PHC3: variants seen among roughly 807,000 people sequenced by gnomAD.
The protein encoded by PHC3 is polyhomeotic-like protein 3.
Under a neutral mutation model 107.4 loss-of-function variants are expected in PHC3, and 13 were observed. The ratio of observed to expected loss-of-function variants is 0.12; its 90% confidence interval spans 0.08 to 0.19. The LOEUF is 0.19. Ranked by LOEUF, PHC3 falls within the 10% of genes least tolerant of loss-of-function variation. The pLI, the probability that PHC3 is intolerant of heterozygous loss-of-function variation, is 1.00. For synonymous variants in PHC3, 456 were observed against 427.4 expected (o/e 1.07, Z -0.83); for missense variants, 992 against 1,210.9 (o/e 0.82, Z 2.68).
chr3:170,151,548 T>C (rs762935235), intron 4 of PHC3, among the ~76,000 whole-genome samples: 2 of 152,226 alleles, frequency 1.3e-5, no homozygotes, highest in Non-Finnish European at 2.9e-5. Context: ...CAAGGCAGTC[T>C]ATAAGGGTAT....
Position 170,117,338 on chromosome 3 carries a change from T to G in PHC3, c.2081A>C (p.His694Pro). 1 of 1,613,922 alleles carries G rather than the reference T, an allele frequency of 6.2e-7. No individual in the cohort carries two copies. Among genetic ancestry groups the G allele is most frequent in the Non-Finnish European group, 8.5e-7 (1 of 1,179,862 alleles). The change falls in exon 10 of 15, where the codon CAC (histidine) becomes CCC (proline). Residue 694 changes from histidine to proline, a missense_variant. His to Pro is a moderately conservative substitution (Grantham distance 77). Transcript: ENST00000495893. ...ATTRSNSTSM[H>P]SSIPSIENKP... is the part of the protein sequence containing the mutation. ...GTTCTCTATACTGGGAATGCTACTG[T>G]GCATAGATGTACTGTTACTCCTTGT...
chr3:170,140,639 G>A (rs1412591545), intron 6 of PHC3, among the ~76,000 whole-genome samples: 1 of 108,998 alleles, frequency 9.2e-6, no homozygotes, highest in Admixed American at 1.4e-4. Flanking sequence ...TGTCACCCAC[G>A]CCGGACTGTA....
chr3:170,127,443 A>C (rs532712658), intron 8 of PHC3, among the ~76,000 whole-genome samples: 1 of 152,346 alleles, frequency 6.6e-6, no homozygotes, highest in Non-Finnish European at 1.5e-5. Context: ...CTGGGATTAC[A>C]GGCGTGAGCC....
chr3:170,131,129 A>C (rs1216676102), intron 7 of PHC3, among the ~76,000 whole-genome samples: 1 of 138,218 alleles, frequency 7.2e-6, no homozygotes, highest in African/African-American at 2.7e-5. Context: ...AAGTTCAATA[A>C]ATATCCACTA....
intron 4 of PHC3, among the ~76,000 whole-genome samples, chr3:170,166,397 A>C (rs1004602561): frequency 1.3e-5 from 2 of 152,168 alleles, no homozygotes; most frequent in African/African-American, 4.8e-5. Context: ...TAAGTTAAAC[A>C]AGCTTACACA....
chr3:170,148,526 A>G (rs1260047519), intron 5 of PHC3: 3 of 152,258 alleles, frequency 2.0e-5, no homozygotes, highest in African/African-American at 7.2e-5. Context: ...TAAAATATCA[A>G]AATGAACACA....
At chr3:170,112,871 C>T (rs1399730144) in intron 11 of PHC3, among the ~76,000 whole-genome samples, 1 of 152,054 alleles carries the variant, frequency 6.6e-6, no homozygotes, top group Non-Finnish European at 1.5e-5. Context: ...GGAGTTTTCT[C>T]GTTGAACAAA....
chr3:170,133,651 TTGGAGTATA>T (rs962470362), intron 7 of PHC3, among the ~76,000 whole-genome samples: 35 of 152,220 alleles, frequency 2.3e-4, no homozygotes, highest in African/African-American at 8.2e-4. Context: ...TCAAGGAAAA[TTGGAGTATA>T]TGTAAGATCT....
intron 7 of PHC3, among the ~76,000 whole-genome samples, chr3:170,130,669 T>A (rs1722101150): frequency 1.3e-5 from 2 of 152,144 alleles, no homozygotes; most frequent in South Asian, 4.1e-4. Context: ...TGAGGTTTTC[T>A]CCACAAAGAA....
intron 4 of PHC3, among the ~76,000 whole-genome samples, chr3:170,167,628 CG>C: frequency 6.6e-6 from 1 of 151,976 alleles, no homozygotes; most frequent in East Asian, 1.9e-4. Flanking sequence ...GGCATGGTGG[CG>C]TATGCCTGTA....
At chr3:170,119,036 T>TAAAAAAAA (rs1002478959) in intron 9 of PHC3, among the ~76,000 whole-genome samples, 42 of 72,560 alleles carry the variant, frequency 5.8e-4, no homozygotes, top group East Asian at 7.0e-4. Context: ...TATAAAAAGC[T>TAAAAAAAA]AAAAAAAAAA....
chr3:170,127,724 T>C (rs1721575794), intron 8 of PHC3, among the ~76,000 whole-genome samples: 1 of 152,218 alleles, frequency 6.6e-6, no homozygotes, highest in African/African-American at 2.4e-5. Context: ...TGAGGTGTAA[T>C]ACAAAACCTC....
chr3:170,140,110 T>C (rs1210347735), intron 6 of PHC3, among the ~76,000 whole-genome samples: 2 of 151,586 alleles, frequency 1.3e-5, no homozygotes, highest in Non-Finnish European at 2.9e-5. Context: ...AGGGTCACAT[T>C]GCTGACAGTA....
intron 4 of PHC3, among the ~76,000 whole-genome samples, chr3:170,156,905 G>C (rs551287220): frequency 3.9e-5 from 6 of 152,186 alleles, no homozygotes; most frequent in Non-Finnish European, 5.9e-5. Context: ...GAGACTACGT[G>C]TTTTTTAATA....
In PHC3 at chr3:170,171,166, C is replaced by A. The variant is rs1378056738; in HGVS notation, c.414+207G>T. 3 of 573,710 alleles carry A rather than the reference C, an allele frequency of 5.2e-6. No individual in the cohort carries two copies. In the East Asian group the frequency reaches 8.8e-5, roughly 17 times the overall value. 35.5% of individuals were successfully genotyped at this position (573,710 alleles called of 1,614,324 possible). On this transcript the variant is annotated intron_variant, in intron 4 of 14. Coordinates refer to ENST00000495893, the MANE Select transcript of PHC3 (RefSeq NM_024947.4). ...GCAAATGGATATACAAGAAATAATA[C>A]AAAAAGATTTTTTTAAGACTCAGAT... is the stretch of plus-strand genomic sequence containing the variant.
chr3:170,155,707 C>T (rs1244946138), intron 4 of PHC3, among the ~76,000 whole-genome samples: 2 of 151,766 alleles, frequency 1.3e-5, no homozygotes, highest in Admixed American at 6.6e-5. Context: ...GGTGACAGAG[C>T]GAGACCCTGT....
At chr3:170,129,654 T>A in intron 7 of PHC3, 102 bp from the exon 8 acceptor site, 2 of 1,170,564 alleles carry the variant, frequency 1.7e-6, no homozygotes, top group Non-Finnish European at 2.4e-6. Context: ...GTCATAATCA[T>A]CAGAATTCTA....
chr3:170,109,778 C>G (rs906307893), intron 11 of PHC3, among the ~76,000 whole-genome samples: 3 of 152,102 alleles, frequency 2.0e-5, no homozygotes, highest in African/African-American at 7.2e-5. Flanking sequence ...ATTATAGAAC[C>G]AGTCTAAAGA....
chr3:170,111,166 C>T (rs1396623608), intron 11 of PHC3, among the ~76,000 whole-genome samples: 4 of 151,768 alleles, frequency 2.6e-5, no homozygotes, highest in African/African-American at 9.7e-5. Context: ...TATTATTTTG[C>T]TATGTGTGAT....
Sources: gnomAD v4.1 joint callset for allele counts (sites outside exome capture counted in the v4.1 genomes callset) on GRCh38, gnomAD v4.1.1 for gene constraint, MANE v1.5 for transcripts, NCBI Gene and HGNC (gene_info 2026-07-23, HGNC 2026-07-21) for gene names.